The following PKP4 variants were observed in gnomAD, a reference collection of about 807,000 sequenced individuals.
PKP4 encodes plakophilin-4.
In PKP4, 90 loss-of-function variants were observed where a neutral mutation model predicts 145.1. The ratio of observed to expected loss-of-function variants is 0.62; its 90% CI spans 0.52 to 0.74. The LOEUF is 0.74. Among genes scored for constraint, PKP4 ranks in the 30% least tolerant of loss-of-function variants. PKP4 has a pLI of 0.00. For synonymous variants in PKP4, 563 were observed against 577.2 expected (o/e 0.98, Z 0.35); for missense variants, 1,340 against 1,482.7 (o/e 0.90, Z 1.58).
intron 4 of PKP4, among the ~76,000 whole-genome samples, chr2:158,605,068 C>T (rs2050542355): frequency 6.6e-6 from 1 of 152,110 alleles, no homozygotes; most frequent in South Asian, 2.1e-4. Flanking sequence ...CATTTAAGGT[C>T]GTTACTGAGA....
chr2:158,654,264 C>A (rs2055690587), intron 11 of PKP4, among the ~76,000 whole-genome samples: 1 of 152,134 alleles, frequency 6.6e-6, no homozygotes, highest in Non-Finnish European at 1.5e-5. Flanking sequence ...ATAAAGCTGC[C>A]TTTTGGTGGG....
In PKP4 at chr2:158,554,433, T is replaced by TA. The variant is rs779655761; in HGVS notation, c.132+21117_132+21118insA. ...TCAGAAATAATTATTATTATTATTT[T>TA]TTTTTTTTTTGAGACGGAGTCTAGC... On this transcript the variant is annotated intron_variant, in intron 2 of 21. Transcript: ENST00000389759. 2.6e-3 allele frequency among the ~76,000 whole-genome samples: 398 copies of TA among 150,914 alleles called. 3 individuals are homozygous for TA. Among genetic ancestry groups the TA allele is most frequent in the Non-Finnish European group, 2.9e-3 (199 of 67,574 alleles).
chr2:158,482,685 A>G (rs1043767761), intron 1 of PKP4, among the ~76,000 whole-genome samples: 3 of 151,976 alleles, frequency 2.0e-5, no homozygotes, highest in African/African-American at 7.3e-5. Context: ...AAAATAAGCA[A>G]ATTAACTGGG....
intron 14 of PKP4, 89 bp downstream of exon 14, chr2:158,663,177 A>G (rs1284789478): frequency 7.3e-6 from 11 of 1,496,918 alleles, no homozygotes; most frequent in African/African-American, 1.4e-5. Context: ...AATTTTCTGC[A>G]TAGCTATAGC....
chr2:158,679,688 G>A (rs1193625909), intron 21 of PKP4, among the ~76,000 whole-genome samples: 1 of 152,244 alleles, frequency 6.6e-6, no homozygotes, highest in Admixed American at 6.5e-5. Context: ...AGGAAATGGA[G>A]AGCAGTGTGC....
intron 16 of PKP4, among the ~76,000 whole-genome samples, chr2:158,667,389 G>A (rs1254718595): frequency 2.6e-5 from 4 of 152,194 alleles, no homozygotes; most frequent in Non-Finnish European, 4.4e-5. Flanking sequence ...CTCTGAAGGG[G>A]AGCTGTTGAT....
chr2:158,653,921 C>G (rs1049454863), intron 11 of PKP4, among the ~76,000 whole-genome samples: 1 of 152,124 alleles, frequency 6.6e-6, no homozygotes, highest in Non-Finnish European at 1.5e-5. Flanking sequence ...TAAATGAAGC[C>G]CTAGACAAAG....
At chr2:158,519,386 C>A (rs536295946) in intron 1 of PKP4, among the ~76,000 whole-genome samples, 1 of 152,268 alleles carries the variant, frequency 6.6e-6, no homozygotes, top group South Asian at 2.1e-4. Flanking sequence ...TTTGGTCCCC[C>A]CTGGGTGTCA....
intron 2 of PKP4, among the ~76,000 whole-genome samples, chr2:158,576,957 G>A (rs2105782186): frequency 6.6e-6 from 1 of 152,158 alleles, no homozygotes; most frequent in East Asian, 1.9e-4. Flanking sequence ...AAGGTCTCTG[G>A]AAGCCTTAAC....
chr2:158,636,707 T>G (rs1048741345), intron 9 of PKP4, among the ~76,000 whole-genome samples: 2 of 152,166 alleles, frequency 1.3e-5, no homozygotes, highest in African/African-American at 4.8e-5. Context: ...TTTTAAATCT[T>G]TTTTCCCTGT....
chr2:158,493,647 T>C (rs1356227429), intron 1 of PKP4, among the ~76,000 whole-genome samples: 1 of 152,178 alleles, frequency 6.6e-6, no homozygotes, highest in Non-Finnish European at 1.5e-5. Flanking sequence ...GTTAGCAAAT[T>C]GAGAGATTTG....
At chr2:158,488,720 A>G (rs962976924) in intron 1 of PKP4, among the ~76,000 whole-genome samples, 2 of 152,162 alleles carry the variant, frequency 1.3e-5, no homozygotes, top group African/African-American at 4.8e-5. Flanking sequence ...TAGACTATTT[A>G]TTTGGGTGAT....
rs200083566 is a variant in PKP4, at chr2:158,605,276, CTCT to C, written c.280+2174_280+2176del. Among the ~76,000 whole-genome samples, 1,217 of 152,296 alleles carry C rather than the reference CTCT, an allele frequency of 8.0e-3. 8 individuals carry two copies. The highest frequency in any genetic ancestry group is 0.013 in the South Asian group (64 of 4,826). ...CAAATTCTAAGCTCTTGCAAAGTGT[CTCT>C]TTTTTCTCTCCTACTTCATGCCTAG... On this transcript the variant is annotated intron_variant, in intron 4 of 21. Transcript: ENST00000389759.
intron 1 of PKP4, among the ~76,000 whole-genome samples, chr2:158,499,641 C>T (rs1312609080): frequency 6.6e-6 from 1 of 152,218 alleles, no homozygotes; most frequent in Non-Finnish European, 1.5e-5. Flanking sequence ...CCACTGACCC[C>T]TCCTGCCATT....
At chr2:158,677,824 G>A (rs911531721) in intron 20 of PKP4, among the ~76,000 whole-genome samples, 1 of 152,228 alleles carries the variant, frequency 6.6e-6, no homozygotes, top group Admixed American at 6.5e-5. Flanking sequence ...CCGATTTGCA[G>A]CAGCCTGCTT....
intron 2 of PKP4, among the ~76,000 whole-genome samples, chr2:158,563,032 C>T (rs559412544): frequency 6.6e-6 from 1 of 152,048 alleles, no homozygotes; most frequent in African/African-American, 2.4e-5. Context: ...TTTATTAAAT[C>T]CTGTGGAGTT....
intron 1 of PKP4, among the ~76,000 whole-genome samples, chr2:158,487,994 T>TA (rs1694415474): frequency 6.6e-6 from 1 of 152,252 alleles, no homozygotes; most frequent in African/African-American, 2.4e-5. Context: ...GTTGTGGAAT[T>TA]ATTCATTTCT....
chr2:158,528,567 C>T (rs2043183573), intron 1 of PKP4, among the ~76,000 whole-genome samples: 1 of 126,706 alleles, frequency 7.9e-6, no homozygotes, highest in Non-Finnish European at 1.6e-5. Flanking sequence ...AGCGCACCAG[C>T]ATGGCACATG....
intron 1 of PKP4, among the ~76,000 whole-genome samples, chr2:158,468,175 T>A (rs930542778): frequency 6.6e-6 from 1 of 152,224 alleles, no homozygotes; most frequent in Non-Finnish European, 1.5e-5. Flanking sequence ...TTTTAAAACT[T>A]TCTTTCTACA....
Sources: allele counts gnomAD v4.1 joint callset (sites outside exome capture counted in the v4.1 genomes callset), GRCh38; gene constraint gnomAD v4.1.1; transcripts MANE v1.5; gene names NCBI Gene and HGNC (gene_info 2026-07-23, HGNC 2026-07-21).